Variants in OXCT1 observed in about 807,000 individuals in gnomAD.
OXCT1 encodes the protein 3-oxoacid CoA-transferase 1, also known as succinyl-CoA:3-ketoacid coenzyme A transferase 1, mitochondrial.
A neutral mutation model predicts 69.6 loss-of-function variants in OXCT1; 27 were observed. The ratio of observed to expected loss-of-function variants is 0.39; its 90% confidence interval spans 0.29 to 0.54. OXCT1 has a LOEUF of 0.54. Among genes scored for constraint, OXCT1 ranks in the 20% least tolerant of loss-of-function variants. The pLI, the probability that OXCT1 is intolerant of heterozygous loss-of-function variation, is 0.72. For synonymous variants in OXCT1, 202 were observed against 217.8 expected, an observed-to-expected ratio of 0.93 and a Z score of 0.64; for missense variants, 437 against 650.2, an observed-to-expected ratio of 0.67 and a Z score of 3.57.
intron 13 of OXCT1, among the ~76,000 whole-genome samples, chr5:41,766,064 A>C (rs757258934): frequency 3.3e-5 from 5 of 152,180 alleles, no homozygotes; most frequent in Non-Finnish European, 7.3e-5. Flanking sequence ...GCATGACACA[A>C]AGTATGGCTT....
chr5:41,826,899 C>T (rs765952392), intron 7 of OXCT1, among the ~76,000 whole-genome samples: 5 of 152,160 alleles, frequency 3.3e-5, no homozygotes, highest in African/African-American at 7.2e-5. Context: ...CAGGTTTCCC[C>T]GTCTCAGTAA....
intron 12 of OXCT1, chr5:41,794,447 T>G (rs1189908565): frequency 1.6e-6 from 1 of 606,144 alleles, no homozygotes; most frequent in African/African-American, 1.9e-5. Flanking sequence ...TTCAGTATGG[T>G]TGGCACAAAG....
At chr5:41,847,186 T>C (rs1748956410) in intron 5 of OXCT1, among the ~76,000 whole-genome samples, 1 of 151,512 alleles carries the variant, frequency 6.6e-6, no homozygotes, top group Non-Finnish European at 1.5e-5. Flanking sequence ...CTAGAAGAAA[T>C]GGATAAATTC....
intron 16 of OXCT1, among the ~76,000 whole-genome samples, chr5:41,736,253 A>G (rs952454033): frequency 6.6e-6 from 1 of 152,214 alleles, no homozygotes; most frequent in African/African-American, 2.4e-5. Flanking sequence ...TTCAGGTTCC[A>G]GAAATATAAT....
chr5:41,828,637 GC>G (rs957047546), intron 7 of OXCT1, among the ~76,000 whole-genome samples: 11 of 152,102 alleles, frequency 7.2e-5, no homozygotes, highest in African/African-American at 2.7e-4. Flanking sequence ...CTTCATAGAA[GC>G]CCCAAAACCA....
rs1162569760 is a variant in OXCT1 at position 41,850,137 on chromosome 5, G to A, written c.457C>T (p.Pro153Ser). The A allele has an allele frequency of 6.2e-7, 1 of 1,613,776 alleles. No homozygotes were observed. Among genetic ancestry groups the A allele is most frequent in the East Asian group, 2.2e-5 (1 of 44,864 alleles). ...ERIRAGGAGV[P>S]AFYTPTGYGT... The stretch of plus-strand genomic sequence containing the variant: ...TACCCTGTTGGGGTGTAAAATGCAG[G>A]AACTCCAGCCCCGCCTGCACGGATC... The change falls in exon 5 of 17, where the codon CCT becomes TCT. Residue 153 changes from proline to serine, a missense_variant. Coordinates refer to ENST00000196371, the MANE Select transcript of OXCT1 (RefSeq NM_000436.4).
At chr5:41,795,220 G>T (rs1037378259) in intron 11 of OXCT1, among the ~76,000 whole-genome samples, 10 of 152,132 alleles carry the variant, frequency 6.6e-5, no homozygotes, top group Admixed American at 3.3e-4. Flanking sequence ...TAATGCTGCT[G>T]ATGATTTGAG....
chr5:41,864,848 C>T (rs1749892318), intron 1 of OXCT1, among the ~76,000 whole-genome samples: 1 of 152,146 alleles, frequency 6.6e-6, no homozygotes, highest in East Asian at 1.9e-4. Context: ...TCCTGTATAA[C>T]TCTGCTGTCA....
intron 16 of OXCT1, among the ~76,000 whole-genome samples, chr5:41,733,968 T>C (rs1181612654): frequency 1.3e-5 from 2 of 152,248 alleles, no homozygotes; most frequent in Admixed American, 1.3e-4. Context: ...GTATATTGCT[T>C]GACTCTGGTA....
intron 9 of OXCT1, among the ~76,000 whole-genome samples, chr5:41,804,593 G>A (rs768488587): frequency 7.2e-5 from 11 of 152,090 alleles, no homozygotes; most frequent in Non-Finnish European, 1.6e-4. Flanking sequence ...CAACTTGGTT[G>A]ACACCACACC....
chr5:41,848,005 C>T (rs533540731), intron 5 of OXCT1, among the ~76,000 whole-genome samples: 8,224 of 148,610 alleles, frequency 0.055, 249 homozygotes, highest in African/African-American at 0.076. Flanking sequence ...TGTTTGCAGA[C>T]GACATGATTG....
intron 9 of OXCT1, 28 bp from the exon 10 acceptor site, chr5:41,803,191 C>A (rs772105050): frequency 7.0e-7 from 1 of 1,438,804 alleles, no homozygotes; most frequent in African/African-American, 1.4e-5. Context: ...TAAGGTCCAG[C>A]ATATAAAAGG....
chr5:41,756,672 C>T (rs1744091114), intron 14 of OXCT1, among the ~76,000 whole-genome samples: 1 of 152,038 alleles, frequency 6.6e-6, no homozygotes, highest in Admixed American at 6.6e-5. Context: ...TATAACAGAG[C>T]CCCTGTCTTC....
chr5:41,748,220 G>A (rs1743601630), intron 15 of OXCT1, among the ~76,000 whole-genome samples: 1 of 151,982 alleles, frequency 6.6e-6, no homozygotes, highest in African/African-American at 2.4e-5. Flanking sequence ...AAATGCATTA[G>A]GTTTAAAGGA....
chr5:41,853,364 A>G, intron 4 of OXCT1, 55 bp downstream of exon 4: 1 of 1,544,868 alleles, frequency 6.5e-7, no homozygotes, highest in Non-Finnish European at 8.9e-7. Flanking sequence ...TCCACGGAGA[A>G]AAAAGGAATT....
intron 7 of OXCT1, among the ~76,000 whole-genome samples, chr5:41,837,322 C>T (rs1451685631): frequency 2.0e-5 from 3 of 151,566 alleles, no homozygotes; most frequent in Non-Finnish European, 2.9e-5. Context: ...AAAAAGACGC[C>T]GTTGACTATG....
At chr5:41,816,161 T>C (rs1160262990) in intron 7 of OXCT1, among the ~76,000 whole-genome samples, 1 of 152,208 alleles carries the variant, frequency 6.6e-6, no homozygotes, top group Non-Finnish European at 1.5e-5. Flanking sequence ...CTTTATTCAT[T>C]TCATCTTTTA....
chr5:41,731,913 C>A, intron 16 of OXCT1, 143 bp from the exon 17 acceptor site: 1 of 1,060,112 alleles, frequency 9.4e-7, no homozygotes, highest in Non-Finnish European at 1.4e-6. Flanking sequence ...GATTTTCCAT[C>A]CTGAAACATT....
intron 8 of OXCT1, among the ~76,000 whole-genome samples, chr5:41,806,583 A>T (rs1290787644): frequency 6.6e-6 from 1 of 152,064 alleles, no homozygotes; most frequent in East Asian, 1.9e-4. Flanking sequence ...GTTCGTTTAC[A>T]CACGAGCTGG....
Sources: gnomAD v4.1 joint callset for allele counts (sites outside exome capture counted in the v4.1 genomes callset) on GRCh38, gnomAD v4.1.1 for gene constraint, MANE v1.5 for transcripts, NCBI Gene and HGNC (gene_info 2026-07-23, HGNC 2026-07-21) for gene names.